AKIRIN2: variants seen among roughly 807,000 people sequenced by gnomAD.
The protein encoded by AKIRIN2 is akirin-2.
AKIRIN2 carries 6 observed loss-of-function variants against 29.3 expected under a neutral mutation model. That is an observed-to-expected ratio of 0.20 (90% confidence interval 0.11 to 0.40). The LOEUF (loss-of-function observed/expected upper bound fraction) is 0.40, where lower values mean the gene tolerates loss of function less well. Among genes scored for constraint, AKIRIN2 ranks in the 10% least tolerant of loss-of-function variants. AKIRIN2 has a pLI of 1.00. For missense variants in AKIRIN2, 210 were observed against 276.1 expected (o/e 0.76, Z 1.70); for synonymous variants, 128 against 117.5 (o/e 1.09, Z -0.58).
chr6:87,702,087 G>C lies in AKIRIN2; in HGVS notation c.-403C>G, dbSNP rs1003969764. On this transcript the variant is annotated 5_prime_UTR_variant, in exon 1 of 5. Coordinates refer to ENST00000257787, the MANE Select transcript of AKIRIN2 (RefSeq NM_018064.4). The stretch of plus-strand genomic sequence containing the variant: ...CTGAAGTCGAAAACAGCACCGTGGG[G>C]TGTGAGGCTGGAACGCGGCTCCTAA... 1 of 399,254 alleles carries C rather than the reference G, an allele frequency of 2.5e-6. No homozygotes were observed. The highest frequency in any genetic ancestry group is 2.0e-5 in the African/African-American group (1 of 48,782). 24.7% of individuals were successfully genotyped at this position (399,254 alleles called of 1,614,324 possible). A position where few individuals can be genotyped will look rare whatever the true frequency, so the allele number is the denominator to read the frequency against.
At chr6:87,687,220 A>T (rs1318600783) in intron 1 of AKIRIN2, among the ~76,000 whole-genome samples, 1 of 147,396 alleles carries the variant, frequency 6.8e-6, no homozygotes. Flanking sequence ...TACATACTAG[A>T]TACTGTCATG....
At chr6:87,698,040 G>C (rs1771399156) in intron 1 of AKIRIN2, among the ~76,000 whole-genome samples, 1 of 152,022 alleles carries the variant, frequency 6.6e-6, no homozygotes, top group Non-Finnish European at 1.5e-5. Context: ...CAATCTTTTG[G>C]CTAAATGGTA....
At chr6:87,683,096 C>T (rs1771142082) in intron 1 of AKIRIN2, among the ~76,000 whole-genome samples, 3 of 151,996 alleles carry the variant, frequency 2.0e-5, no homozygotes, top group Non-Finnish European at 2.9e-5. Flanking sequence ...TCTGGGAGGA[C>T]AAATAAGTTC....
At chr6:87,690,153 C>G (rs954251627) in intron 1 of AKIRIN2, among the ~76,000 whole-genome samples, 2 of 150,234 alleles carry the variant, frequency 1.3e-5, no homozygotes, top group Admixed American at 6.7e-5. Context: ...TTTCAGTGAG[C>G]TGAGATGACG....
Position 87,701,482 on chromosome 6 carries a change from G to A in AKIRIN2, c.203C>T (p.Pro68Leu). 1 of 1,513,556 alleles carries A rather than the reference G, an allele frequency of 6.6e-7. No individual in the cohort carries two copies. The allele number at this position is 1,513,556 out of a possible 1,614,324, so 93.8% of individuals were successfully genotyped here. ...GAGGCGGGAGGAGACGTCGCCGAAG[G>A]GGGATGGCTCCATTCGGAGATACTT... ...PQKYLRMEPSPFGDVSSRLTT... is the reference protein window; with the variant it reads ...PQKYLRMEPSLFGDVSSRLTT... The change falls in exon 1 of 5, where the codon CCC (proline) becomes CTC (leucine). Residue 68 changes from proline to leucine, a missense_variant. Around this residue, in one of 2 missense-constraint regions of AKIRIN2, gnomAD observed 199 missense variants for 236.5 expected, o/e 0.84. Coordinates refer to ENST00000257787, the MANE Select transcript of AKIRIN2 (RefSeq NM_018064.4).
In AKIRIN2 at chr6:87,701,833, G is replaced by C; in HGVS notation, c.-149C>G. ...AGCGGGTCGCGGAGCGCCGGCTGTG[G>C]AAAGGAGAGCCGCTGCCGCCGCTGC... On this transcript the variant is annotated 5_prime_UTR_variant, in exon 1 of 5. Transcript: ENST00000257787. 1 of 524,020 alleles carries C rather than the reference G, an allele frequency of 1.9e-6. No homozygotes were observed. The highest frequency in any genetic ancestry group is 3.1e-6 in the Non-Finnish European group (1 of 322,708). The allele number at this position is 524,020 out of a possible 1,614,324, so 32.5% of individuals were successfully genotyped here.
intron 1 of AKIRIN2, among the ~76,000 whole-genome samples, chr6:87,701,175 CA>C (rs1035848155): frequency 6.6e-6 from 1 of 152,022 alleles, no homozygotes; most frequent in Non-Finnish European, 1.5e-5. Context: ...TCATTCGGCC[CA>C]AAGAAAAAGA....
chr6:87,688,272 C>T (rs1771222733), intron 1 of AKIRIN2, among the ~76,000 whole-genome samples: 1 of 152,038 alleles, frequency 6.6e-6, no homozygotes, highest in Admixed American at 6.6e-5. Context: ...GCTGGGATTA[C>T]AGGTGCCCGC....
chr6:87,677,497 G>A (rs1771038947), intron 3 of AKIRIN2, among the ~76,000 whole-genome samples: 1 of 152,086 alleles, frequency 6.6e-6, no homozygotes, highest in Admixed American at 6.6e-5. Context: ...TATTTTAAAT[G>A]TCTACATTGA....
chr6:87,676,368 A>T (rs1365628714), intron 3 of AKIRIN2, among the ~76,000 whole-genome samples: 4 of 140,014 alleles, frequency 2.9e-5, no homozygotes, highest in Admixed American at 7.6e-5. Flanking sequence ...CGGGAGGCTG[A>T]GGCAGGAGAA....
At chr6:87,677,157 T>A (rs1028037955) in intron 3 of AKIRIN2, among the ~76,000 whole-genome samples, 3 of 151,716 alleles carry the variant, frequency 2.0e-5, no homozygotes, top group Non-Finnish European at 4.4e-5. Flanking sequence ...TTGTATGTGG[T>A]CTATGAATGG....
At chr6:87,681,950 C>T (rs1447233528) in intron 1 of AKIRIN2, among the ~76,000 whole-genome samples, 187 bp from the exon 2 acceptor site, 1 of 152,142 alleles carries the variant, frequency 6.6e-6, no homozygotes, top group Non-Finnish European at 1.5e-5. Context: ...ACATACACAC[C>T]AACTGGAATT....
chr6:87,687,449 A>AAAAAC (rs1187249157), intron 1 of AKIRIN2, among the ~76,000 whole-genome samples: 1 of 151,226 alleles, frequency 6.6e-6, no homozygotes, highest in African/African-American at 2.4e-5. Context: ...CAAAAAAAAA[A>AAAAAC]AAAAAAACAC....
At chr6:87,681,591 A>C in intron 2 of AKIRIN2, 29 bp downstream of exon 2, 1 of 1,588,998 alleles carries the variant, frequency 6.3e-7, no homozygotes, top group Non-Finnish European at 8.5e-7. Context: ...TAAATAATAA[A>C]CTTTGTAAAT....
intron 3 of AKIRIN2, among the ~76,000 whole-genome samples, chr6:87,676,937 C>T (rs952202560): frequency 6.6e-6 from 1 of 151,700 alleles, no homozygotes; most frequent in African/African-American, 2.4e-5. Flanking sequence ...ATTAGCCGGG[C>T]ATGGTGGTAG....
chr6:87,700,612 G>C (rs1166525907), intron 1 of AKIRIN2: 1 of 152,188 alleles, frequency 6.6e-6, no homozygotes, highest in Non-Finnish European at 1.5e-5. Context: ...AAAAGCAAAA[G>C]TCTGAAGTCC....
intron 2 of AKIRIN2, among the ~76,000 whole-genome samples, chr6:87,681,043 TA>T (rs1378909638): frequency 1.3e-5 from 2 of 151,554 alleles, no homozygotes; most frequent in Non-Finnish European, 2.9e-5. Context: ...GTATTGTTAT[TA>T]TTTTTTTTTT....
intron 1 of AKIRIN2, among the ~76,000 whole-genome samples, chr6:87,700,051 GTAAAGCCTAACAAT>G (rs1771432040): frequency 6.6e-6 from 1 of 150,468 alleles, no homozygotes; most frequent in African/African-American, 2.4e-5. Flanking sequence ...TTTTCCCAAA[GTAAAGCCTAACAAT>G]TAATCAACAA....
At chr6:87,699,570 T>A (rs1277796998) in intron 1 of AKIRIN2, among the ~76,000 whole-genome samples, 1 of 151,984 alleles carries the variant, frequency 6.6e-6, no homozygotes, top group Non-Finnish European at 1.5e-5. Context: ...ATAGCAGTAT[T>A]TTGGAAAGTG....
Sources: gnomAD v4.1 joint callset for allele counts (sites outside exome capture counted in the v4.1 genomes callset) on GRCh38, gnomAD v4.1.1 for gene constraint, gnomAD v4.1.1 regional missense constraint, MANE v1.5 for transcripts, NCBI Gene and HGNC (gene_info 2026-07-23, HGNC 2026-07-21) for gene names.